The following ZEB1 variants were observed in gnomAD, a reference collection of about 807,000 sequenced individuals.
ZEB1 encodes the protein zinc finger E-box-binding homeobox 1.
A neutral mutation model predicts 84.9 loss-of-function variants in ZEB1; 21 were observed. That is an observed-to-expected ratio of 0.25 (90% CI 0.18 to 0.36). The LOEUF (loss-of-function observed/expected upper bound fraction) is 0.36, where lower values mean the gene tolerates loss of function less well. Among genes scored for constraint, ZEB1 ranks in the 10% least tolerant of loss-of-function variants. The pLI is 1.00. For synonymous variants in ZEB1, 420 were observed against 471.1 expected, an observed-to-expected ratio of 0.89 and a Z score of 1.41; for missense variants, 1,104 against 1,330.2, an observed-to-expected ratio of 0.83 and a Z score of 2.65.
chr10:31,504,208 A>G (rs1057434792), intron 4 of ZEB1, among the ~76,000 whole-genome samples: 3 of 151,988 alleles, frequency 2.0e-5, no homozygotes, highest in African/African-American at 7.2e-5. Context: ...CATTTATTGG[A>G]GAGTGTGTCC....
intron 1 of ZEB1, among the ~76,000 whole-genome samples, chr10:31,446,274 A>G (rs2136817537): frequency 6.6e-6 from 1 of 152,160 alleles, no homozygotes; most frequent in East Asian, 1.9e-4. Flanking sequence ...CCCCTTTATC[A>G]TTTTTTATTG....
chr10:31,373,280 A>T lies in ZEB1; in HGVS notation c.58+53988A>T, dbSNP rs2046030454. On this transcript the variant is annotated intron_variant, in intron 1 of 8. Transcript: ENST00000424869. ...TAGAACTTTTAAAATCTAGGACATA[A>T]TGACAAGTGTTTGAATTTTATATGT... 3 of 956,566 alleles carry T rather than the reference A, an allele frequency of 3.1e-6. 1 individual carries two copies. In the East Asian group the frequency reaches 3.4e-4, roughly 110 times the overall value. 59.3% of individuals were successfully genotyped at this position (956,566 alleles called of 1,614,324 possible).
Position 31,503,741 on chromosome 10 carries a change from G to T in ZEB1, c.484+1232G>T, listed in dbSNP as rs745342833. On this transcript the variant is annotated intron_variant, in intron 4 of 8. Transcript: ENST00000424869. ...TCTTCACCAGCATTCATTAGTTTTT[G>T]TCTTTAATAGCAATACTAACTGGGA... is the stretch of plus-strand genomic sequence containing the variant. Among the ~76,000 whole-genome samples, 5 of 151,156 alleles carry T rather than the reference G, an allele frequency of 3.3e-5. 1 individual carries two copies. The highest frequency in any genetic ancestry group is 1.2e-4 in the African/African-American group (5 of 41,084).
At chr10:31,441,797 A>G (rs560659118) in intron 1 of ZEB1, among the ~76,000 whole-genome samples, 2 of 152,392 alleles carry the variant, frequency 1.3e-5, no homozygotes, top group African/African-American at 4.8e-5. Context: ...ACCAAAAGAC[A>G]CATGAAAAAA....
rs553108421 is a variant in ZEB1 at position 31,513,604 on chromosome 10, A to G, written c.688-999A>G. 2.0e-5 allele frequency among the ~76,000 whole-genome samples: 3 copies of G among 152,294 alleles called. No individual in the cohort carries two copies. In the South Asian group the frequency reaches 6.2e-4, roughly 32 times the overall value. On this transcript the variant is annotated intron_variant, in intron 5 of 8. Coordinates refer to ENST00000424869, the MANE Select transcript of ZEB1 (RefSeq NM_001174096.2). ...TAATTCTCTTTCCTTCCTGTATAAA[A>G]GGCAAAGGAAGGGAGATTCCAGCTG...
At chr10:31,465,157 A>C (rs550964250) in intron 2 of ZEB1, among the ~76,000 whole-genome samples, 1 of 152,154 alleles carries the variant, frequency 6.6e-6, no homozygotes, top group African/African-American at 2.4e-5. Context: ...CTGTGATACT[A>C]TAATGATGTT....
At chr10:31,366,942 G>A (rs1241821161) in intron 1 of ZEB1, among the ~76,000 whole-genome samples, 1 of 152,138 alleles carries the variant, frequency 6.6e-6, no homozygotes, top group Non-Finnish European at 1.5e-5. Context: ...CATACAGTTA[G>A]TGCTCAAATA....
chr10:31,382,023 A>ACAAAAC (rs2047760359), intron 1 of ZEB1, among the ~76,000 whole-genome samples: 1 of 149,002 alleles, frequency 6.7e-6, no homozygotes, highest in Admixed American at 6.6e-5. Context: ...AAAAAAAAAA[A>ACAAAAC]AAAAAAAAAA....
intron 1 of ZEB1, among the ~76,000 whole-genome samples, chr10:31,442,081 T>A (rs2059072078): frequency 6.6e-6 from 1 of 152,158 alleles, no homozygotes; most frequent in Admixed American, 6.5e-5. Flanking sequence ...GGATTATAAA[T>A]CATGCTGCTA....
chr10:31,413,877 A>G (rs1294908885), intron 1 of ZEB1, among the ~76,000 whole-genome samples: 2 of 152,110 alleles, frequency 1.3e-5, no homozygotes, highest in African/African-American at 4.8e-5. Flanking sequence ...CTTTCTGCCA[A>G]TCTGTGTTTC....
chr10:31,426,906 A>T (rs141052190), intron 1 of ZEB1, among the ~76,000 whole-genome samples: 63 of 152,296 alleles, frequency 4.1e-4, no homozygotes, highest in Non-Finnish European at 7.2e-4. Context: ...GTATAACTGA[A>T]GCAGTAGATT....
intron 1 of ZEB1, among the ~76,000 whole-genome samples, chr10:31,427,720 G>T (rs896900516): frequency 6.6e-6 from 1 of 152,046 alleles, no homozygotes; most frequent in Non-Finnish European, 1.5e-5. Context: ...TTAGCCGGGC[G>T]TGGTGGCGGG....
intron 1 of ZEB1, among the ~76,000 whole-genome samples, chr10:31,410,852 T>G (rs1005398979): frequency 6.6e-6 from 1 of 152,224 alleles, no homozygotes; most frequent in African/African-American, 2.4e-5. Flanking sequence ...AGTGGTGATA[T>G]CCCCTTTATC....
intron 1 of ZEB1, among the ~76,000 whole-genome samples, chr10:31,438,237 C>T (rs949949871): frequency 1.3e-5 from 2 of 152,152 alleles, no homozygotes; most frequent in African/African-American, 4.8e-5. Flanking sequence ...CAAGTATTAC[C>T]TTCCTTTTCA....
intron 1 of ZEB1, among the ~76,000 whole-genome samples, chr10:31,439,510 C>T (rs2058665893): frequency 6.6e-6 from 1 of 152,104 alleles, no homozygotes; most frequent in African/African-American, 2.4e-5. Flanking sequence ...TTAGTATCTA[C>T]AGCCAGTGTT....
At chr10:31,456,276 G>T (rs553641523) in intron 1 of ZEB1, among the ~76,000 whole-genome samples, 2 of 152,230 alleles carry the variant, frequency 1.3e-5, no homozygotes, top group East Asian at 3.9e-4. Context: ...GGGTCTAGGG[G>T]AGAATAGCAT....
intron 2 of ZEB1, among the ~76,000 whole-genome samples, chr10:31,490,149 T>A (rs2066326858): frequency 6.6e-6 from 1 of 151,462 alleles, no homozygotes; most frequent in Non-Finnish European, 1.5e-5. Flanking sequence ...GAGCCTAGTG[T>A]TTGATTGATG....
Position 31,527,537 on chromosome 10 carries a change from G to A in ZEB1, c.*273G>A. On this transcript the variant is annotated 3_prime_UTR_variant, in exon 9 of 9. Coordinates refer to ENST00000424869, the MANE Select transcript of ZEB1 (RefSeq NM_001174096.2). The stretch of plus-strand genomic sequence containing the variant: ...GTTAGGAACAAGTTTGTAACATGCA[G>A]CAGATTAGAAAACCTTAATGACTCA... 4.4e-6 allele frequency: 2 copies of A among 449,742 alleles called. No individual in the cohort carries two copies. Among genetic ancestry groups the A allele is most frequent in the South Asian group, 2.7e-5 (1 of 36,976 alleles). The allele number at this position is 449,742 out of a possible 1,614,324, so 27.9% of individuals were successfully genotyped here.
intron 1 of ZEB1, among the ~76,000 whole-genome samples, chr10:31,457,694 CT>C (rs1224354632): frequency 1.3e-5 from 2 of 152,094 alleles, no homozygotes; most frequent in Non-Finnish European, 2.9e-5. Context: ...GATAGGCAGT[CT>C]TTAAGAGTGC....
Sources: allele counts gnomAD v4.1 joint callset (sites outside exome capture counted in the v4.1 genomes callset), GRCh38; gene constraint gnomAD v4.1.1; transcripts MANE v1.5; gene names NCBI Gene and HGNC (gene_info 2026-07-23, HGNC 2026-07-21).